The following NXPH1 variants were observed in gnomAD, a reference collection of about 807,000 sequenced individuals.
The protein encoded by NXPH1 is neurexophilin 1, also known as neurexophilin-1.
A neutral mutation model predicts 23.7 loss-of-function variants in NXPH1; 5 were observed. The observed-to-expected ratio is 0.21, with a 90% confidence interval of 0.11 to 0.44. NXPH1 has a LOEUF of 0.44. Among genes scored for constraint, NXPH1 ranks in the 20% least tolerant of loss-of-function variants. The pLI, the probability that NXPH1 is intolerant of heterozygous loss-of-function variation, is 0.99. For missense variants in NXPH1, 324 were observed against 321.6 expected (o/e 1.01, Z -0.06); for synonymous variants, 144 against 122.2 (o/e 1.18, Z -1.18).
chr7:8,457,037 C>A (rs969427578), intron 2 of NXPH1, among the ~76,000 whole-genome samples: 2 of 152,118 alleles, frequency 1.3e-5, no homozygotes, highest in African/African-American at 2.4e-5. Flanking sequence ...CCACAAAGGT[C>A]AATTGAATAT....
At chr7:8,598,983 A>G (rs1819293615) in intron 2 of NXPH1, among the ~76,000 whole-genome samples, 1 of 152,172 alleles carries the variant, frequency 6.6e-6, no homozygotes, top group South Asian at 2.1e-4. Flanking sequence ...ACTTTTATGC[A>G]TAAGGCATTG....
chr7:8,511,782 C>G (rs1354280681), intron 2 of NXPH1, among the ~76,000 whole-genome samples: 1 of 152,158 alleles, frequency 6.6e-6, no homozygotes, highest in East Asian at 1.9e-4. Flanking sequence ...TCACACACAG[C>G]AAGTTTGTAG....
At chr7:8,524,191 G>C (rs1817823683) in intron 2 of NXPH1, among the ~76,000 whole-genome samples, 1 of 142,612 alleles carries the variant, frequency 7.0e-6, no homozygotes. Flanking sequence ...GCAGTGAGTG[G>C]AGATCGTGCC....
At chr7:8,740,420 A>G (rs1211066583) in intron 2 of NXPH1, among the ~76,000 whole-genome samples, 1 of 152,220 alleles carries the variant, frequency 6.6e-6, no homozygotes, top group Non-Finnish European at 1.5e-5. Context: ...TTTTGTCTTC[A>G]CAAAAACCCA....
At chr7:8,573,971 G>A (rs1382817560) in intron 2 of NXPH1, among the ~76,000 whole-genome samples, 1 of 152,082 alleles carries the variant, frequency 6.6e-6, no homozygotes, top group East Asian at 1.9e-4. Flanking sequence ...CTTTAAAGGT[G>A]TACTCTGGTG....
At chr7:8,578,823 C>G (rs930048144) in intron 2 of NXPH1, among the ~76,000 whole-genome samples, 2 of 152,176 alleles carry the variant, frequency 1.3e-5, no homozygotes, top group Non-Finnish European at 2.9e-5. Flanking sequence ...TCTCTGAAAG[C>G]ATTTTAGTTC....
intron 2 of NXPH1, among the ~76,000 whole-genome samples, chr7:8,656,795 T>C (rs1406882101): frequency 6.6e-6 from 1 of 151,976 alleles, no homozygotes; most frequent in African/African-American, 2.4e-5. Flanking sequence ...TATGCGGTGT[T>C]TGGTTTTTTG....
chr7:8,472,237 A>C (rs1816882443), intron 2 of NXPH1, among the ~76,000 whole-genome samples: 1 of 152,144 alleles, frequency 6.6e-6, no homozygotes, highest in East Asian at 1.9e-4. Flanking sequence ...GACTTTGTTC[A>C]AGTCATTTAA....
intron 2 of NXPH1, among the ~76,000 whole-genome samples, chr7:8,502,828 G>A (rs1332723595): frequency 1.3e-5 from 2 of 151,804 alleles, no homozygotes; most frequent in Non-Finnish European, 2.9e-5. Context: ...TGCTGGAGAA[G>A]CTGTTCACAG....
At chr7:8,655,432 CTCTCTCTCTCTCTCTCT>C (rs1436549654) in intron 2 of NXPH1, among the ~76,000 whole-genome samples, 6 of 53,794 alleles carry the variant, frequency 1.1e-4, no homozygotes, top group East Asian at 6.3e-3. Flanking sequence ...CTCTCTCTCT[CTCTCTCTCTCTCTCTCT>C]ATACACACAC....
intron 2 of NXPH1, among the ~76,000 whole-genome samples, chr7:8,615,962 T>C (rs1380098477): frequency 6.6e-6 from 1 of 152,096 alleles, no homozygotes; most frequent in Non-Finnish European, 1.5e-5. Flanking sequence ...TCCCTATTTT[T>C]GCCGTTATCT....
intron 2 of NXPH1, among the ~76,000 whole-genome samples, chr7:8,741,648 G>C (rs1202391657): frequency 2.0e-5 from 3 of 152,108 alleles, no homozygotes. Context: ...AGGAAGGAAT[G>C]TATTTTTGAG....
At chr7:8,732,893 T>A (rs2115218806) in intron 2 of NXPH1, among the ~76,000 whole-genome samples, 1 of 152,222 alleles carries the variant, frequency 6.6e-6, no homozygotes, top group Admixed American at 6.5e-5. Flanking sequence ...TTAAAAAAAT[T>A]TTACTTTAAG....
intron 2 of NXPH1, among the ~76,000 whole-genome samples, chr7:8,522,384 TAC>T (rs1314616106): frequency 6.6e-6 from 1 of 152,232 alleles, no homozygotes; most frequent in African/African-American, 2.4e-5. Context: ...AGCTAGTTCA[TAC>T]AATTGAATGT....
chr7:8,500,799 A>C (rs1305585670), intron 2 of NXPH1, among the ~76,000 whole-genome samples: 1 of 152,068 alleles, frequency 6.6e-6, no homozygotes, highest in Non-Finnish European at 1.5e-5. Context: ...CATTTTTCAC[A>C]GTGTTACACG....
chr7:8,519,672 G>A (rs978654423), intron 2 of NXPH1, among the ~76,000 whole-genome samples: 36 of 151,900 alleles, frequency 2.4e-4, no homozygotes, highest in Admixed American at 1.6e-3. Context: ...CTCCCTCACC[G>A]CTCCTTATGT....
chr7:8,739,801 A>G (rs976889698), intron 2 of NXPH1, among the ~76,000 whole-genome samples: 4 of 152,144 alleles, frequency 2.6e-5, no homozygotes, highest in Non-Finnish European at 5.9e-5. Context: ...TCTATTTTTT[A>G]AATTTTTATA....
chr7:8,652,329 GTTATT>G lies in NXPH1; in HGVS notation c.55-98674_55-98670del, dbSNP rs1259972964. On this transcript the variant is annotated intron_variant, in intron 2 of 2. Transcript: ENST00000405863. ...TTATGTGAATAAATTTTACATATGT[GTTATT>G]TTATCTATTTTATGTAGAGAAATGA... Among the ~76,000 whole-genome samples the G allele has an allele frequency of 7.9e-5, 12 of 152,120 alleles. 1 individual carries two copies. The highest frequency in any genetic ancestry group is 2.9e-4 in the African/African-American group (12 of 41,528).
At chr7:8,724,946 C>A (rs1054142265) in intron 2 of NXPH1, among the ~76,000 whole-genome samples, 1 of 152,162 alleles carries the variant, frequency 6.6e-6, no homozygotes, top group African/African-American at 2.4e-5. Flanking sequence ...AAATCTAGCC[C>A]AGGCTTGTGG....
Sources: gnomAD v4.1 joint callset for allele counts (sites outside exome capture counted in the v4.1 genomes callset) on GRCh38, gnomAD v4.1.1 for gene constraint, MANE v1.5 for transcripts, NCBI Gene and HGNC (gene_info 2026-07-23, HGNC 2026-07-21) for gene names.